Variants in YTHDF3 observed in about 807,000 individuals in gnomAD.
YTHDF3 encodes YTH N6-methyladenosine RNA binding protein F3.
YTHDF3 carries 9 observed loss-of-function variants against 52.5 expected under a neutral mutation model. That is an observed-to-expected ratio of 0.17 (90% CI 0.10 to 0.30). The LOEUF is 0.30. Among genes scored for constraint, YTHDF3 ranks in the 10% least tolerant of loss-of-function variants. The pLI, the probability that YTHDF3 is intolerant of heterozygous loss-of-function variation, is 1.00. For synonymous variants in YTHDF3, 274 were observed against 243.3 expected (o/e 1.13, Z -1.18); for missense variants, 534 against 715.0 (o/e 0.75, Z 2.89).
intron 3 of YTHDF3, among the ~76,000 whole-genome samples, chr8:63,180,966 A>C (rs1271260948): frequency 6.6e-6 from 1 of 152,242 alleles, no homozygotes; most frequent in Non-Finnish European, 1.5e-5. Context: ...AGACCGTGGA[A>C]AGAGGGAGAG....
At position 63,187,162 on chromosome 8, in the gene YTHDF3, C is replaced by T. The variant is rs1208284167; in HGVS notation, c.1151C>T (p.Ala384Val). Residue 384 changes from alanine to valine, a missense_variant, in exon 4 of 5, where the codon GCT becomes GTT. Physicochemically the swap from Ala to Val is moderately conservative, Grantham distance 64. Around this residue, in one of 3 missense-constraint regions of YTHDF3, gnomAD observed 203 missense variants for 201.3 expected, o/e 1.01. Transcript: ENST00000539294. ...GGTTTAGGTGTTGTACCTGTCAGTG[C>T]TTCACCTTCTAGTGTAGAAGTGCAT... ...NFGLGVVPVS[A>V]SPSSVEVHPV... 6.2e-7 allele frequency: 1 copy of T among 1,614,012 alleles called. No individual in the cohort carries two copies. Among genetic ancestry groups the T allele is most frequent in the Admixed American group, 1.7e-5 (1 of 60,020 alleles).
intron 4 of YTHDF3, among the ~76,000 whole-genome samples, chr8:63,193,723 A>C (rs1326082797): frequency 2.0e-5 from 3 of 152,340 alleles, no homozygotes; most frequent in South Asian, 2.1e-4. Flanking sequence ...GTAGCTAATA[A>C]GAATATAAAG....
rs1431223016 is a variant in YTHDF3, at chr8:63,210,383, C to T, written c.*677C>T. 1.3e-5 allele frequency: 2 copies of T among 152,504 alleles called. No homozygotes were observed. Among genetic ancestry groups the T allele is most frequent in the Admixed American group, 6.5e-5 (1 of 15,270 alleles). The allele number at this position is 152,504 out of a possible 1,614,324, so 9.4% of individuals were successfully genotyped here. A position where few individuals can be genotyped will look rare whatever the true frequency, so the allele number is the denominator to read the frequency against. On this transcript the variant is annotated 3_prime_UTR_variant, in exon 5 of 5. Transcript: ENST00000539294. ...ACCAGTTAATGCACATTCTTCTTCC[C>T]TCCTCCCCCCATTAATATGTATACT...
intron 2 of YTHDF3, chr8:63,173,626 C>G: frequency 1.0e-6 from 1 of 984,518 alleles, no homozygotes; most frequent in Non-Finnish European, 1.2e-6. Flanking sequence ...AAGTAATAGA[C>G]CATGCATACT....
chr8:63,180,973 A>G (rs890795476), intron 3 of YTHDF3, among the ~76,000 whole-genome samples: 3 of 152,224 alleles, frequency 2.0e-5, no homozygotes, highest in Non-Finnish European at 4.4e-5. Flanking sequence ...GGAAAGAGGG[A>G]GAGGGAGAGG....
At position 63,211,821 on chromosome 8, in the gene YTHDF3, T is replaced by A. The variant is rs758391700; in HGVS notation, c.*2115T>A. Reference sequence around the variant, plus strand: ...ACATCCCAGTGCCTTTAACCTGGATTTCTAATCTTAAGTGAAATGGGTGCA... The same window carrying A: ...ACATCCCAGTGCCTTTAACCTGGATATCTAATCTTAAGTGAAATGGGTGCA... On this transcript the variant is annotated 3_prime_UTR_variant, in exon 5 of 5. Transcript: ENST00000539294. The A allele has an allele frequency of 2.0e-5, 3 of 152,686 alleles. No homozygotes were observed. The highest frequency in any genetic ancestry group is 4.4e-5 in the Non-Finnish European group (3 of 68,002). The allele number at this position is 152,686 out of a possible 1,614,324, so 9.5% of individuals were successfully genotyped here.
intron 3 of YTHDF3, among the ~76,000 whole-genome samples, chr8:63,184,995 C>A (rs1214259558): frequency 6.6e-6 from 1 of 152,092 alleles, no homozygotes; most frequent in Non-Finnish European, 1.5e-5. Context: ...GTGGCGGACG[C>A]CTGTGGTCTC....
chr8:63,176,917 A>T (rs958397535), intron 3 of YTHDF3, among the ~76,000 whole-genome samples: 6 of 149,636 alleles, frequency 4.0e-5, no homozygotes, highest in African/African-American at 1.5e-4. Flanking sequence ...GACCTCAAGT[A>T]ATCTGCCTGC....
rs1394141092 is a variant in YTHDF3 at position 63,168,673 on chromosome 8, G to A, written c.-205G>A. On this transcript the variant is annotated 5_prime_UTR_variant, in exon 1 of 5. Transcript: ENST00000539294. ...GGACCCGAGAAGCAGAGAGCGAGAG[G>A]GGGAAGAGGAGCGTGCAAGCGGAAA... The A allele has an allele frequency of 1.5e-5, 13 of 896,252 alleles. No individual in the cohort carries two copies. Among genetic ancestry groups the A allele is most frequent in the Non-Finnish European group, 2.0e-5 (12 of 588,072 alleles). The allele number at this position is 896,252 out of a possible 1,614,324, so 55.5% of individuals were successfully genotyped here. A position where few individuals can be genotyped will look rare whatever the true frequency, so the allele number is the denominator to read the frequency against.
intron 2 of YTHDF3, among the ~76,000 whole-genome samples, chr8:63,173,399 C>T (rs1807476609): frequency 6.6e-6 from 1 of 151,918 alleles, no homozygotes; most frequent in South Asian, 2.1e-4. Flanking sequence ...GCCACCACTC[C>T]TGGCTAATTT....
chr8:63,168,627 A>T lies in YTHDF3; in HGVS notation c.-251A>T. On this transcript the variant is annotated 5_prime_UTR_variant, in exon 1 of 5. Coordinates refer to ENST00000539294, the MANE Select transcript of YTHDF3 (RefSeq NM_152758.6). ...GGAGGCTCGGAGCGGAAGTGAGACT[A>T]GGGAGTCTGTCCGCCATTGTGGACC... is the stretch of plus-strand genomic sequence containing the variant. 1 of 644,508 alleles carries T rather than the reference A, an allele frequency of 1.6e-6. No homozygotes were observed. The highest frequency in any genetic ancestry group is 2.6e-6 in the Non-Finnish European group (1 of 378,356). 39.9% of individuals were successfully genotyped at this position (644,508 alleles called of 1,614,324 possible). A position where few individuals can be genotyped will look rare whatever the true frequency, so the allele number is the denominator to read the frequency against.
Position 63,186,987 on chromosome 8 carries a change from C to T in YTHDF3, c.976C>T (p.Pro326Ser), listed in dbSNP as rs1392203257. Reference sequence around the variant, plus strand: ...ACTGCCTCAACAGCAGCCTCAACCACCACAACCACAGCAGCAACAAGGACC... The same window carrying T: ...ACTGCCTCAACAGCAGCCTCAACCATCACAACCACAGCAGCAACAAGGACC... ...SQLPQQQPQP[P>S]QPQQQQGPQP... is the part of the protein sequence containing the mutation. The change falls in exon 4 of 5, where the codon CCA (proline) becomes TCA (serine). Residue 326 changes from proline (P) to serine (S), a missense_variant. By Grantham distance (74) the Pro-to-Ser change is moderately conservative (BLOSUM62 -1). Coordinates refer to ENST00000539294, the MANE Select transcript of YTHDF3 (RefSeq NM_152758.6). 1 of 1,613,586 alleles carries T rather than the reference C, an allele frequency of 6.2e-7. No homozygotes were observed. The highest frequency in any genetic ancestry group is 8.5e-7 in the Non-Finnish European group (1 of 1,179,774).
chr8:63,187,663 C>G lies in YTHDF3; in HGVS notation c.1652C>G (p.Ala551Gly), dbSNP rs1489782307. Residue 551 changes from alanine (A) to glycine (G), a missense_variant, in exon 4 of 5, where the codon GCT (alanine) becomes GGT (glycine). This residue lies in a region of YTHDF3 where 135 missense variants were observed against 214.2 expected (regional missense o/e 0.63). Transcript: ENST00000539294. ...GCTAAGCAAGTGCTTAAAATAATTG[C>G]TACTTTCAAGCATACCACCTCAATC... ...EKAKQVLKIIATFKHTTSIFD... is the reference protein window; with the variant it reads ...EKAKQVLKIIGTFKHTTSIFD... 2 of 1,610,856 alleles carry G rather than the reference C, an allele frequency of 1.2e-6. No homozygotes were observed. Among genetic ancestry groups the G allele is most frequent in the Non-Finnish European group, 8.5e-7 (1 of 1,178,182 alleles).
chr8:63,180,670 C>T (rs1452863121), intron 3 of YTHDF3, among the ~76,000 whole-genome samples: 1 of 152,230 alleles, frequency 6.6e-6, no homozygotes, highest in Non-Finnish European at 1.5e-5. Flanking sequence ...CCACTGCACT[C>T]CAGCCTGGGC....
rs897800198 is a variant in YTHDF3, at chr8:63,168,671, AG to A, written c.-202del. The A allele has an allele frequency of 1.0e-5, 9 of 869,492 alleles. No individual in the cohort carries two copies. Among genetic ancestry groups the A allele is most frequent in the South Asian group, 1.6e-5 (1 of 61,666 alleles). 53.9% of individuals were successfully genotyped at this position (869,492 alleles called of 1,614,324 possible). Reference sequence around the variant, plus strand: ...GTGGACCCGAGAAGCAGAGAGCGAGAGGGGGAAGAGGAGCGTGCAAGCGGAA... The same window carrying A: ...GTGGACCCGAGAAGCAGAGAGCGAGAGGGGAAGAGGAGCGTGCAAGCGGAA... On this transcript the variant is annotated 5_prime_UTR_variant, in exon 1 of 5. Transcript: ENST00000539294.
chr8:63,182,224 T>G (rs1808188696), intron 3 of YTHDF3, among the ~76,000 whole-genome samples: 1 of 148,686 alleles, frequency 6.7e-6, no homozygotes, highest in Non-Finnish European at 1.5e-5. Context: ...TGCACCACCA[T>G]GCCTGGCTAA....
At chr8:63,197,417 A>G (rs1809309048) in intron 4 of YTHDF3, among the ~76,000 whole-genome samples, 1 of 152,204 alleles carries the variant, frequency 6.6e-6, no homozygotes, top group Admixed American at 6.5e-5. Flanking sequence ...TAAAAGATTT[A>G]ATTATATTTA....
intron 1 of YTHDF3, 167 bp from the exon 2 acceptor site, chr8:63,169,219 TA>T: frequency 7.6e-7 from 1 of 1,323,044 alleles, no homozygotes. Context: ...GTGGGAGGTT[TA>T]AAGGCTGGGG....
chr8:63,196,561 TAA>T (rs945993019), intron 4 of YTHDF3, among the ~76,000 whole-genome samples: 18 of 131,878 alleles, frequency 1.4e-4, no homozygotes, highest in Admixed American at 1.5e-4. Flanking sequence ...GACTCCGTCT[TAA>T]AAAAAAAAAA....
Sources: gnomAD v4.1 joint callset for allele counts (sites outside exome capture counted in the v4.1 genomes callset) on GRCh38, gnomAD v4.1.1 for gene constraint, gnomAD v4.1.1 regional missense constraint, MANE v1.5 for transcripts, NCBI Gene and HGNC (gene_info 2026-07-23, HGNC 2026-07-21) for gene names.